ADARB1: variants seen among roughly 807,000 people sequenced by gnomAD.
ADARB1 encodes the protein adenosine deaminase RNA specific B1, also known as double-stranded RNA-specific editase 1.
In ADARB1, 10 loss-of-function variants were observed where a neutral mutation model predicts 52.4. That is an observed-to-expected ratio of 0.19 (90% CI 0.12 to 0.32). The LOEUF is 0.32. ADARB1 is among the 10% of genes least tolerant of loss of function. ADARB1 has a pLI of 1.00. For synonymous variants in ADARB1, 349 were observed against 371.1 expected, an observed-to-expected ratio of 0.94 and a Z score of 0.68; for missense variants, 643 against 922.3, an observed-to-expected ratio of 0.70 and a Z score of 3.92.
chr21:45,222,367 C>A lies in ADARB1; in HGVS notation c.*170C>A. ...CCAGCATCTCACATCAGACCTGGGGCAGGTGCGCAGTGTGGGGAGGGGATG... is the reference window on the plus strand; with the variant it reads ...CCAGCATCTCACATCAGACCTGGGGAAGGTGCGCAGTGTGGGGAGGGGATG... On this transcript the variant is annotated 3_prime_UTR_variant, in exon 11 of 11. Coordinates refer to ENST00000348831, the MANE Select transcript of ADARB1 (RefSeq NM_001112.4). 7.3e-7 allele frequency: 1 copy of A among 1,365,870 alleles called. No individual in the cohort carries two copies. The highest frequency in any genetic ancestry group is 9.4e-7 in the Non-Finnish European group (1 of 1,066,628). 84.6% of individuals were successfully genotyped at this position (1,365,870 alleles called of 1,614,324 possible). A position where few individuals can be genotyped will look rare whatever the true frequency, so the allele number is the denominator to read the frequency against.
chr21:45,142,945 C>T lies in ADARB1; in HGVS notation c.-48+14372C>T, dbSNP rs1466221020. Among the ~76,000 whole-genome samples, 1 of 152,188 alleles carries T rather than the reference C, an allele frequency of 6.6e-6. No homozygotes were observed. Among genetic ancestry groups the T allele is most frequent in the African/African-American group, 2.4e-5 (1 of 41,448 alleles). ...TGGCCATGCTGCACAGCTGTGCAGC[C>T]TCCACCCACAAAGGCCAAAGCTCCA... is the stretch of plus-strand genomic sequence containing the variant. On this transcript the variant is annotated intron_variant, in intron 2 of 10. Transcript: ENST00000348831. This position sits in a 1 kb window ranked among gnomAD's most constrained non-coding sequence, Gnocchi z 4.0.
At chr21:45,159,905 G>T (rs1443835571) in intron 2 of ADARB1, among the ~76,000 whole-genome samples, 2 of 152,336 alleles carry the variant, frequency 1.3e-5, no homozygotes, top group African/African-American at 2.4e-5. Flanking sequence ...TCCATGCGCT[G>T]TGTGTCACTT....
intron 1 of ADARB1, among the ~76,000 whole-genome samples, chr21:45,092,188 G>A (rs1345444098): frequency 6.6e-6 from 1 of 152,128 alleles, no homozygotes; most frequent in South Asian, 2.1e-4. Flanking sequence ...CGTCGGTTCA[G>A]AAGGTGCAGC....
chr21:45,193,091 A>G (rs1299717225), intron 8 of ADARB1, among the ~76,000 whole-genome samples: 3 of 152,198 alleles, frequency 2.0e-5, no homozygotes, highest in African/African-American at 7.2e-5. Flanking sequence ...TCATTCTGTG[A>G]GGCCAGCATT....
chr21:45,099,607 C>CCAGCCTGGGTGA (rs1360174578), intron 1 of ADARB1, among the ~76,000 whole-genome samples: 1 of 151,660 alleles, frequency 6.6e-6, no homozygotes, highest in Non-Finnish European at 1.5e-5. Context: ...GGGGACCACT[C>CCAGCCTGGGTGA]CAGCCTGGGT....
intron 9 of ADARB1, among the ~76,000 whole-genome samples, chr21:45,205,164 G>T (rs2092642884): frequency 1.3e-5 from 2 of 152,152 alleles, no homozygotes; most frequent in Non-Finnish European, 1.5e-5. Flanking sequence ...GGGAGGCTGA[G>T]GTGGGAGGAT....
intron 9 of ADARB1, among the ~76,000 whole-genome samples, chr21:45,205,848 G>A (rs1370186096): frequency 6.6e-6 from 1 of 152,150 alleles, no homozygotes; most frequent in Non-Finnish European, 1.5e-5. Context: ...ATTTTGGGGT[G>A]TGTGTGTGCT....
chr21:45,223,463 C>T lies in ADARB1; in HGVS notation c.*1266C>T, dbSNP rs2093000634. The T allele has an allele frequency of 1.6e-5, 16 of 985,694 alleles. No individual in the cohort carries two copies. Among genetic ancestry groups the T allele is most frequent in the Non-Finnish European group, 1.7e-5 (14 of 830,144 alleles). 61.1% of individuals were successfully genotyped at this position (985,694 alleles called of 1,614,324 possible). A position where few individuals can be genotyped will look rare whatever the true frequency, so the allele number is the denominator to read the frequency against. Reference sequence around the variant, plus strand: ...CCCTGTGTGGACCACCTCCACCAAGCTCAGAGATTTGCACCAGGTGCCTTG... The same window carrying T: ...CCCTGTGTGGACCACCTCCACCAAGTTCAGAGATTTGCACCAGGTGCCTTG... On this transcript the variant is annotated 3_prime_UTR_variant, in exon 11 of 11. Coordinates refer to ENST00000348831, the MANE Select transcript of ADARB1 (RefSeq NM_001112.4).
Position 45,220,687 on chromosome 21 carries a change from G to T in ADARB1, c.1748-149G>T. 1.3e-6 allele frequency: 1 copy of T among 798,178 alleles called. No individual in the cohort carries two copies. The highest frequency in any genetic ancestry group is 2.0e-6 in the Non-Finnish European group (1 of 505,720). 49.4% of individuals were successfully genotyped at this position (798,178 alleles called of 1,614,324 possible). ...GAGGCCACTGCCACGGCAGATGCAC[G>T]CTCAAGTCTGCGTATATTCCTCGGC... is the stretch of plus-strand genomic sequence containing the variant. On this transcript the variant is annotated intron_variant, in intron 9 of 10. Transcript: ENST00000348831. The surrounding 1 kb of genome is among the most constrained non-coding windows in gnomAD (Gnocchi z 6.3).
chr21:45,177,025 T>A, intron 4 of ADARB1: 1 of 196,578 alleles, frequency 5.1e-6, no homozygotes, highest in Non-Finnish European at 1.0e-5. Flanking sequence ...GAGCCCAGTC[T>A]TTGAAACCTT....
intron 1 of ADARB1, among the ~76,000 whole-genome samples, chr21:45,106,567 A>T (rs1469319353): frequency 6.6e-6 from 1 of 152,178 alleles, no homozygotes; most frequent in Non-Finnish European, 1.5e-5. Context: ...TACTCTCCGG[A>T]TGAGTGACTT....
intron 1 of ADARB1, among the ~76,000 whole-genome samples, chr21:45,077,231 A>G (rs188471887): frequency 6.6e-6 from 1 of 152,362 alleles, no homozygotes; most frequent in East Asian, 1.9e-4. Flanking sequence ...CTGTGATCAA[A>G]CAATATAATT....
intron 2 of ADARB1, among the ~76,000 whole-genome samples, chr21:45,131,447 C>T (rs1174722793): frequency 6.6e-6 from 1 of 152,196 alleles, no homozygotes; most frequent in Non-Finnish European, 1.5e-5. Context: ...CTGGGCTGGG[C>T]TTAGAGAATT....
intron 2 of ADARB1, among the ~76,000 whole-genome samples, chr21:45,158,753 C>G (rs746236738): frequency 2.6e-5 from 4 of 152,198 alleles, no homozygotes; most frequent in Non-Finnish European, 5.9e-5. Flanking sequence ...ACTGCACAGG[C>G]TGTCTGAGAC....
At chr21:45,133,088 C>T (rs764787180) in intron 2 of ADARB1, among the ~76,000 whole-genome samples, 4 of 152,230 alleles carry the variant, frequency 2.6e-5, no homozygotes, top group African/African-American at 7.2e-5. Flanking sequence ...GAGCCTGGCT[C>T]GTTTCCCTGG....
rs151204353 is a variant in ADARB1, at chr21:45,198,273, T to C, written c.1566-6282T>C. On this transcript the variant is annotated intron_variant, in intron 8 of 10. Coordinates refer to ENST00000348831, the MANE Select transcript of ADARB1 (RefSeq NM_001112.4). The stretch of plus-strand genomic sequence containing the variant: ...TTAAAGTCAACAGAACCGGTGAGGC[T>C]GATCAAGAAGACAGAAGGCACTACC... Among the ~76,000 whole-genome samples, 669 of 152,254 alleles carry C rather than the reference T, an allele frequency of 4.4e-3. 9 individuals are homozygous for C. Among genetic ancestry groups the C allele is most frequent in the Admixed American group, 8.2e-3 (125 of 15,294 alleles).
chr21:45,096,897 G>A (rs1248947617), intron 1 of ADARB1, among the ~76,000 whole-genome samples: 2 of 151,920 alleles, frequency 1.3e-5, no homozygotes, highest in African/African-American at 4.8e-5. Flanking sequence ...CTGCCACCAC[G>A]CCCGGCTAAT....
At chr21:45,207,647 A>G (rs548343034) in intron 9 of ADARB1, among the ~76,000 whole-genome samples, 1 of 152,350 alleles carries the variant, frequency 6.6e-6, no homozygotes, top group South Asian at 2.1e-4. Flanking sequence ...CTACCAGGAC[A>G]TTGGCCCCCT....
chr21:45,196,633 C>T (rs1405511167), intron 8 of ADARB1, among the ~76,000 whole-genome samples: 1 of 152,124 alleles, frequency 6.6e-6, no homozygotes, highest in African/African-American at 2.4e-5. Flanking sequence ...ACTCTCAAAA[C>T]GCAACAAGGG....
Sources: allele counts gnomAD v4.1 joint callset (sites outside exome capture counted in the v4.1 genomes callset), GRCh38; gene constraint gnomAD v4.1.1; non-coding constraint Gnocchi (gnomAD v3.1); transcripts MANE v1.5; gene names NCBI Gene and HGNC (gene_info 2026-07-23, HGNC 2026-07-21).